TNFSF4: variants seen among roughly 807,000 people sequenced by gnomAD.
TNFSF4 encodes the protein tumor necrosis factor ligand superfamily member 4.
Under a neutral mutation model 7.3 loss-of-function variants are expected in TNFSF4, and 4 were observed. That is an observed-to-expected ratio of 0.55 (90% CI 0.27 to 1.25). The LOEUF (loss-of-function observed/expected upper bound fraction) is 1.25. TNFSF4 is among the 50% of genes most tolerant of loss of function. TNFSF4 has a pLI of 0.12. For synonymous variants in TNFSF4, 76 were observed against 83.7 expected, an observed-to-expected ratio of 0.91 and a Z score of 0.50; for missense variants, 181 against 208.8, an observed-to-expected ratio of 0.87 and a Z score of 0.82.
chr1:173,211,744 G>A (rs1237765108), upstream of TNFSF4, among the ~76,000 whole-genome samples: 1 of 152,176 alleles, frequency 6.6e-6, no homozygotes, highest in Non-Finnish European at 1.5e-5. Context: ...ACAAAACCTT[G>A]AAGAAATTCT....
At chr1:173,308,206 TTGAC>T in the TNFSF4 span, among the ~76,000 whole-genome samples, 1 of 151,996 alleles carries the variant, frequency 6.6e-6, no homozygotes, top group Non-Finnish European at 1.5e-5. Context: ...AGTTTTCAAT[TTGAC>T]TGCAGTCAAC....
chr1:173,433,452 T>C, the TNFSF4 span, among the ~76,000 whole-genome samples: 2 of 151,828 alleles, frequency 1.3e-5, no homozygotes, highest in African/African-American at 2.4e-5. Flanking sequence ...CCCAGCACTT[T>C]GGGATGCCAG....
the TNFSF4 span, among the ~76,000 whole-genome samples, chr1:173,384,187 C>T: frequency 6.6e-6 from 1 of 152,158 alleles, no homozygotes; most frequent in Non-Finnish European, 1.5e-5. Context: ...GTGTAAAGAT[C>T]AGCAAATATC....
the TNFSF4 span, among the ~76,000 whole-genome samples, chr1:173,235,611 G>A: frequency 6.6e-6 from 1 of 152,348 alleles, no homozygotes; most frequent in South Asian, 2.1e-4. Flanking sequence ...TGTGTTAAGG[G>A]ACAGAATTTT....
chr1:173,254,538 T>C, the TNFSF4 span, among the ~76,000 whole-genome samples: 1 of 152,220 alleles, frequency 6.6e-6, no homozygotes, highest in Non-Finnish European at 1.5e-5. Context: ...CTATGTGGCG[T>C]TTAGCAAAGT....
the TNFSF4 span, among the ~76,000 whole-genome samples, chr1:173,279,170 G>T: frequency 6.6e-6 from 1 of 152,140 alleles, no homozygotes; most frequent in South Asian, 2.1e-4. Context: ...GGACTTAATG[G>T]TGACTAAGAG....
the TNFSF4 span, among the ~76,000 whole-genome samples, chr1:173,270,527 G>GTGAGAGAGTAAATAGTATA: frequency 6.7e-6 from 1 of 150,240 alleles, no homozygotes; most frequent in Non-Finnish European, 1.5e-5. Flanking sequence ...ATCTAGAAGA[G>GTGAGAGAGTAAATAGTATA]TGAGAGAGTA....
intron 1 of TNFSF4, among the ~76,000 whole-genome samples, chr1:173,189,347 G>A (rs1456334618): frequency 1.3e-5 from 2 of 152,154 alleles, no homozygotes; most frequent in Admixed American, 6.5e-5. Flanking sequence ...GAAGCTTCCT[G>A]CATGTCTGGT....
intron 1 of TNFSF4, among the ~76,000 whole-genome samples, chr1:173,199,858 C>T (rs1384095045): frequency 6.6e-6 from 1 of 151,754 alleles, no homozygotes; most frequent in Non-Finnish European, 1.5e-5. Flanking sequence ...AAAAAAAATG[C>T]AGAGGAAAGT....
At chr1:173,333,236 G>C in the TNFSF4 span, among the ~76,000 whole-genome samples, 3 of 152,020 alleles carry the variant, frequency 2.0e-5, no homozygotes, top group Non-Finnish European at 4.4e-5. Flanking sequence ...GGGTGTTTCT[G>C]GATGAATTAA....
the TNFSF4 span, among the ~76,000 whole-genome samples, chr1:173,261,505 T>C: frequency 4.0e-5 from 6 of 151,896 alleles, no homozygotes; most frequent in African/African-American, 1.2e-4. Flanking sequence ...GATAAAGACA[T>C]GAAAAACCCT....
At chr1:173,374,649 A>T in the TNFSF4 span, among the ~76,000 whole-genome samples, 3 of 152,180 alleles carry the variant, frequency 2.0e-5, no homozygotes, top group Non-Finnish European at 4.4e-5. Context: ...ATAAGTGAAA[A>T]CATACATAAA....
the TNFSF4 span, among the ~76,000 whole-genome samples, chr1:173,323,235 C>G: frequency 1.3e-5 from 2 of 152,182 alleles, no homozygotes; most frequent in African/African-American, 4.8e-5. Flanking sequence ...CACCAATATC[C>G]ACTGTTCTGC....
chr1:173,215,736 A>G, the TNFSF4 span, among the ~76,000 whole-genome samples: 1 of 152,180 alleles, frequency 6.6e-6, no homozygotes, highest in African/African-American at 2.4e-5. Context: ...TCTTTATCCC[A>G]ATCATAGCAT....
the TNFSF4 span, among the ~76,000 whole-genome samples, chr1:173,253,877 G>C: frequency 5.9e-5 from 9 of 152,290 alleles, no homozygotes; most frequent in Middle Eastern, 3.4e-3. Flanking sequence ...GTATGCAGTA[G>C]ATAAGAAGTC....
At chr1:173,329,502 G>A in the TNFSF4 span, among the ~76,000 whole-genome samples, 8,127 of 152,146 alleles carry the variant, frequency 0.053, 304 homozygotes, top group South Asian at 0.11. Flanking sequence ...CAAAAGGAGA[G>A]TGAAAACAGA....
upstream of TNFSF4, among the ~76,000 whole-genome samples, chr1:173,208,463 G>C (rs747400922): frequency 6.6e-6 from 1 of 152,154 alleles, no homozygotes; most frequent in Non-Finnish European, 1.5e-5. Flanking sequence ...ACTTAAAAGA[G>C]AAAGTTTGTG....
chr1:173,311,074 T>G, the TNFSF4 span, among the ~76,000 whole-genome samples: 1 of 152,018 alleles, frequency 6.6e-6, no homozygotes, highest in Non-Finnish European at 1.5e-5. Context: ...ACTAATAATC[T>G]CTGTATATTA....
the TNFSF4 span, among the ~76,000 whole-genome samples, chr1:173,277,075 G>C: frequency 6.6e-6 from 1 of 152,130 alleles, no homozygotes; most frequent in African/African-American, 2.4e-5. Flanking sequence ...AGCAGTTAGA[G>C]TGAAACCTTC....
Sources: allele counts gnomAD v4.1 joint callset (sites outside exome capture counted in the v4.1 genomes callset), GRCh38; gene constraint gnomAD v4.1.1; transcripts MANE v1.5; gene names NCBI Gene and HGNC (gene_info 2026-07-23, HGNC 2026-07-21).